NOVA1: variants seen among roughly 807,000 people sequenced by gnomAD.
NOVA1 encodes RNA-binding protein Nova-1.
A neutral mutation model predicts 38.0 loss-of-function variants in NOVA1; 7 were observed. The observed-to-expected ratio is 0.18, with a 90% CI of 0.10 to 0.35. The LOEUF is 0.35. Ranked by LOEUF, NOVA1 falls within the 10% of genes least tolerant of loss-of-function variation. The pLI, the probability that NOVA1 is intolerant of heterozygous loss-of-function variation, is 1.00. For synonymous variants in NOVA1, 270 were observed against 232.5 expected (o/e 1.16, Z -1.47); for missense variants, 460 against 616.0 (o/e 0.75, Z 2.68).
At chr14:26,523,342 A>G (rs1889040224) in intron 2 of NOVA1, among the ~76,000 whole-genome samples, 2 of 152,234 alleles carry the variant, frequency 1.3e-5, no homozygotes, top group South Asian at 2.1e-4. Flanking sequence ...GTGTTACTGC[A>G]TAACACAATA....
rs182390956 is a variant in NOVA1, at chr14:26,498,140, A to G, written c.281-17997T>C. 4.5e-3 allele frequency among the ~76,000 whole-genome samples: 687 copies of G among 152,122 alleles called. 5 individuals are homozygous for G. Among genetic ancestry groups the G allele is most frequent in the African/African-American group, 0.016 (654 of 41,512 alleles). On this transcript the variant is annotated intron_variant, in intron 2 of 4. Transcript: ENST00000539517. ...AGTGGTGCGATCTCAGCTCACTGCA[A>G]GCTCTGCCTCCTGGGTTCACGCCTT...
At chr14:26,498,438 TTATC>T (rs1363233606) in intron 2 of NOVA1, among the ~76,000 whole-genome samples, 1 of 152,118 alleles carries the variant, frequency 6.6e-6, no homozygotes, top group Admixed American at 6.5e-5. Context: ...CTTATATCAT[TTATC>T]TACTCAGTAA....
intron 2 of NOVA1, among the ~76,000 whole-genome samples, chr14:26,513,069 A>G (rs541305580): frequency 6.6e-6 from 1 of 152,128 alleles, no homozygotes; most frequent in East Asian, 1.9e-4. Flanking sequence ...TAAACTTTTC[A>G]TCCACAAAAC....
chr14:26,488,153 T>C (rs570392143), intron 2 of NOVA1, among the ~76,000 whole-genome samples: 5 of 152,292 alleles, frequency 3.3e-5, no homozygotes. Context: ...TCTCTACTTT[T>C]AAACTGCAAA....
At chr14:26,585,798 A>C (rs1893479916) in intron 2 of NOVA1, among the ~76,000 whole-genome samples, 1 of 19,472 alleles carries the variant, frequency 5.1e-5, no homozygotes, top group Admixed American at 4.3e-4. Context: ...GCTAAACAGA[A>C]CGCAAAATTC....
At chr14:26,482,302 A>G (rs1885534553) in intron 2 of NOVA1, among the ~76,000 whole-genome samples, 1 of 152,204 alleles carries the variant, frequency 6.6e-6, no homozygotes. Flanking sequence ...ACATAAAAAA[A>G]GGAAAGAAAA....
intron 2 of NOVA1, among the ~76,000 whole-genome samples, chr14:26,500,927 C>T (rs1330665693): frequency 6.6e-6 from 1 of 151,842 alleles, no homozygotes; most frequent in African/African-American, 2.4e-5. Flanking sequence ...AAAAAAAGTG[C>T]ATTTATGTCC....
intron 4 of NOVA1, among the ~76,000 whole-genome samples, chr14:26,460,846 A>C (rs2138607733): frequency 6.6e-6 from 1 of 152,328 alleles, no homozygotes; most frequent in African/African-American, 2.4e-5. Context: ...TGTTTAAAAT[A>C]AACTTGATAA....
rs1159352798 is a variant in NOVA1, at chr14:26,447,875, C to T, written c.*84G>A. 2 of 1,041,320 alleles carry T rather than the reference C, an allele frequency of 1.9e-6. No individual in the cohort carries two copies. The highest frequency in any genetic ancestry group is 4.8e-5 in the East Asian group (2 of 41,514). The allele number at this position is 1,041,320 out of a possible 1,614,324, so 64.5% of individuals were successfully genotyped here. A position where few individuals can be genotyped will look rare whatever the true frequency, so the allele number is the denominator to read the frequency against. On this transcript the variant is annotated 3_prime_UTR_variant, in exon 5 of 5. Transcript: ENST00000539517. ...TAATTATATATTAATAACAGAAAAA[C>T]TTCACTTCTGCAAAGTACAGTACAT...
chr14:26,528,530 C>T, intron 2 of NOVA1, among the ~76,000 whole-genome samples: 1 of 152,044 alleles, frequency 6.6e-6, no homozygotes, highest in Non-Finnish European at 1.5e-5. Flanking sequence ...AAACACATGG[C>T]TATGGGAAGA....
intron 2 of NOVA1, among the ~76,000 whole-genome samples, chr14:26,573,131 C>G (rs901005223): frequency 9.2e-5 from 14 of 151,986 alleles, no homozygotes; most frequent in Non-Finnish European, 1.8e-4. Flanking sequence ...TGAGATAGTA[C>G]AGTTAGAGAA....
intron 2 of NOVA1, among the ~76,000 whole-genome samples, chr14:26,537,164 A>G (rs1890156603): frequency 6.6e-6 from 1 of 152,120 alleles, no homozygotes; most frequent in South Asian, 2.1e-4. Context: ...ATTGATAAAT[A>G]TATCAAATGC....
chr14:26,452,162 A>G lies in NOVA1; in HGVS notation c.520-3199T>C, dbSNP rs143326688. Among the ~76,000 whole-genome samples, 272 of 152,352 alleles carry G rather than the reference A, an allele frequency of 1.8e-3. 1 individual carries two copies. Among genetic ancestry groups the G allele is most frequent in the African/African-American group, 6.2e-3 (259 of 41,586 alleles). On this transcript the variant is annotated intron_variant, in intron 4 of 4. Coordinates refer to ENST00000539517, the MANE Select transcript of NOVA1 (RefSeq NM_002515.3). ...CCCAATTTTTATTTTTGACAAAAGA[A>G]CATGAGAATCCTCTTTGCCTTACAC... is the stretch of plus-strand genomic sequence containing the variant.
chr14:26,468,221 G>T (rs1334749121), intron 4 of NOVA1, among the ~76,000 whole-genome samples: 1 of 151,978 alleles, frequency 6.6e-6, no homozygotes, highest in Admixed American at 6.6e-5. Context: ...AGAGGGACGT[G>T]TGGCAGGCAA....
chr14:26,541,748 T>C lies in NOVA1; in HGVS notation c.280+53662A>G, dbSNP rs570761461. Among the ~76,000 whole-genome samples, 27 of 151,808 alleles carry C rather than the reference T, an allele frequency of 1.8e-4. No homozygotes were observed. In the South Asian group the frequency reaches 4.4e-3, roughly 25 times the overall value. Reference sequence around the variant, plus strand: ...TGTTGTAAATAGAATGTTTGAATTATTGCAAGGGTTGAGGAGCAGGGAAAA... The same window carrying C: ...TGTTGTAAATAGAATGTTTGAATTACTGCAAGGGTTGAGGAGCAGGGAAAA... On this transcript the variant is annotated intron_variant, in intron 2 of 4. Transcript: ENST00000539517.
In NOVA1 at chr14:26,584,374, A is replaced by G. The variant is rs558318052; in HGVS notation, c.280+11036T>C. Reference sequence around the variant, plus strand: ...AACTGGGCAATCCATCCGCCAGACTATAAGTGTCACTATATTTACATAAAT... The same window carrying G: ...AACTGGGCAATCCATCCGCCAGACTGTAAGTGTCACTATATTTACATAAAT... On this transcript the variant is annotated intron_variant, in intron 2 of 4. Coordinates refer to ENST00000539517, the MANE Select transcript of NOVA1 (RefSeq NM_002515.3). 4.0e-5 allele frequency among the ~76,000 whole-genome samples: 6 copies of G among 151,656 alleles called. No individual in the cohort carries two copies. In the South Asian group the frequency reaches 6.2e-4, roughly 16 times the overall value.
chr14:26,527,944 T>TA (rs1197621819), intron 2 of NOVA1, among the ~76,000 whole-genome samples: 6 of 151,920 alleles, frequency 3.9e-5, no homozygotes, highest in Non-Finnish European at 8.8e-5. Context: ...AAGAAGAAAC[T>TA]AAAAAAGGTA....
intron 3 of NOVA1, among the ~76,000 whole-genome samples, chr14:26,475,178 A>G (rs1376813720): frequency 6.6e-6 from 1 of 152,012 alleles, no homozygotes; most frequent in Admixed American, 6.6e-5. Flanking sequence ...TATTTCCTTA[A>G]TATTTTATTA....
At chr14:26,564,055 G>A (rs986874713) in intron 2 of NOVA1, among the ~76,000 whole-genome samples, 1 of 152,086 alleles carries the variant, frequency 6.6e-6, no homozygotes, top group Admixed American at 6.6e-5. Context: ...AGTGGGAGTG[G>A]AAATTTTAAC....
Sources: allele counts gnomAD v4.1 joint callset (sites outside exome capture counted in the v4.1 genomes callset), GRCh38; gene constraint gnomAD v4.1.1; transcripts MANE v1.5; gene names NCBI Gene and HGNC (gene_info 2026-07-23, HGNC 2026-07-21).